The following MSH3 variants were observed in gnomAD, a reference collection of about 807,000 sequenced individuals.
The protein encoded by MSH3 is DNA mismatch repair protein Msh3.
In MSH3, 106 loss-of-function variants were observed where a neutral mutation model predicts 123.3. The ratio of observed to expected loss-of-function variants is 0.86; its 90% CI spans 0.73 to 1.01. The LOEUF (loss-of-function observed/expected upper bound fraction) is 1.01. Among genes scored for constraint, MSH3 ranks in the 50% least tolerant of loss-of-function variants. MSH3 has a pLI of 0.00. For synonymous variants in MSH3, 515 were observed against 481.4 expected, an observed-to-expected ratio of 1.07 and a Z score of -0.91; for missense variants, 1,459 against 1,347.6, an observed-to-expected ratio of 1.08 and a Z score of -1.29.
At chr5:80,786,008 G>A (rs565922556) in intron 17 of MSH3, among the ~76,000 whole-genome samples, 78 of 151,762 alleles carry the variant, frequency 5.1e-4, no homozygotes, top group African/African-American at 1.8e-3. Context: ...GGGGGAAGGG[G>A]GGAGGGATAA....
chr5:80,794,081 T>G (rs1243902096), intron 19 of MSH3, among the ~76,000 whole-genome samples: 1 of 152,208 alleles, frequency 6.6e-6, no homozygotes, highest in Non-Finnish European at 1.5e-5. Flanking sequence ...ACTAATTGTT[T>G]GCTTATACCA....
intron 19 of MSH3, among the ~76,000 whole-genome samples, chr5:80,803,038 A>C (rs1168255492): frequency 6.6e-6 from 1 of 151,756 alleles, no homozygotes; most frequent in Non-Finnish European, 1.5e-5. Flanking sequence ...TAAACATGGG[A>C]GTGCAGCTGT....
chr5:80,729,439 TGTGTG>T (rs1561458089), intron 10 of MSH3, among the ~76,000 whole-genome samples: 8 of 133,202 alleles, frequency 6.0e-5, no homozygotes, highest in African/African-American at 1.4e-4. Context: ...AATGTGTGTG[TGTGTG>T]TGTGTGTGTG....
At chr5:80,729,344 A>C (rs1459595528) in intron 10 of MSH3, among the ~76,000 whole-genome samples, 1 of 141,916 alleles carries the variant, frequency 7.0e-6, no homozygotes, top group East Asian at 2.2e-4. Flanking sequence ...GAACCCAGGG[A>C]GGTGGAGCCT....
intron 19 of MSH3, among the ~76,000 whole-genome samples, chr5:80,799,217 C>G (rs1054457888): frequency 6.6e-6 from 1 of 152,036 alleles, no homozygotes; most frequent in African/African-American, 2.4e-5. Context: ...ACTTTGGCAT[C>G]TCAACATGCA....
chr5:80,696,502 C>T lies in MSH3; in HGVS notation c.1340+17409C>T, dbSNP rs141215144. Among the ~76,000 whole-genome samples the T allele has an allele frequency of 3.9e-3, 590 of 152,176 alleles. 4 individuals are homozygous for T. The highest frequency in any genetic ancestry group is 0.013 in the African/African-American group (544 of 41,516). ...TTTTGTCTGTGCCTGTTGGTCTTTC[C>T]GGGTTGTCAGCTTTTTCAGCTCCAA... is the stretch of plus-strand genomic sequence containing the variant. On this transcript the variant is annotated intron_variant, in intron 8 of 23. Coordinates refer to ENST00000265081, the MANE Select transcript of MSH3 (RefSeq NM_002439.5).
chr5:80,746,435 G>T (rs948015692), intron 12 of MSH3: 4 of 462,086 alleles, frequency 8.7e-6, no homozygotes, highest in Admixed American at 7.3e-5. Flanking sequence ...ATCTTCTCAG[G>T]ACTTTTCTCC....
intron 8 of MSH3, among the ~76,000 whole-genome samples, chr5:80,725,091 G>A (rs959361643): frequency 1.5e-4 from 23 of 151,802 alleles, no homozygotes; most frequent in African/African-American, 5.6e-4. Flanking sequence ...GCGGGCACCT[G>A]TAGCTTCAGC....
chr5:80,762,038 A>T (rs977351207), intron 13 of MSH3, among the ~76,000 whole-genome samples: 4 of 152,046 alleles, frequency 2.6e-5, no homozygotes, highest in Non-Finnish European at 4.4e-5. Context: ...TTGATCTTAG[A>T]ACAACTTATT....
intron 22 of MSH3, among the ~76,000 whole-genome samples, chr5:80,867,394 T>C (rs1338642114): frequency 6.6e-6 from 1 of 152,222 alleles, no homozygotes; most frequent in African/African-American, 2.4e-5. Flanking sequence ...AAGGGAACTT[T>C]TTCTCAGATG....
intron 19 of MSH3, among the ~76,000 whole-genome samples, chr5:80,801,920 T>C (rs1744796521): frequency 6.6e-6 from 1 of 152,254 alleles, no homozygotes; most frequent in African/African-American, 2.4e-5. Context: ...TTTATACTTT[T>C]ATTTTCACAC....
intron 20 of MSH3, among the ~76,000 whole-genome samples, chr5:80,840,272 G>T (rs1045753637): frequency 1.3e-5 from 2 of 152,044 alleles, no homozygotes; most frequent in African/African-American, 4.8e-5. Context: ...AAACTTTGTT[G>T]TTTGACAAAC....
At chr5:80,669,565 G>A (rs1231150155) in intron 3 of MSH3, among the ~76,000 whole-genome samples, 1 of 152,124 alleles carries the variant, frequency 6.6e-6, no homozygotes, top group African/African-American at 2.4e-5. Flanking sequence ...TCTTTCTCAT[G>A]TTTCTTTACC....
chr5:80,773,396 C>T (rs1318349544), intron 15 of MSH3, among the ~76,000 whole-genome samples: 3 of 152,196 alleles, frequency 2.0e-5, no homozygotes, highest in Non-Finnish European at 4.4e-5. Context: ...AGACTCTTCA[C>T]TCTTAACTAT....
Position 80,665,140 on chromosome 5 carries a change from A to G in MSH3, c.359-3A>G, listed in dbSNP as rs202158045. ...TCTGTTTTCTTCTTATTTGCTGCCT[A>G]AGAGCCAAAGAAATGTCTGAGGACC... On this transcript the variant is annotated splice_region_variant and splice_polypyrimidine_tract_variant and intron_variant, in intron 2 of 23. Transcript: ENST00000265081. The G allele has an allele frequency of 6.2e-7, 1 of 1,612,960 alleles. No homozygotes were observed. Among genetic ancestry groups the G allele is most frequent in the South Asian group, 1.1e-5 (1 of 90,994 alleles).
chr5:80,840,747 C>A (rs1416781100), intron 20 of MSH3, among the ~76,000 whole-genome samples: 1 of 151,670 alleles, frequency 6.6e-6, no homozygotes, highest in Non-Finnish European at 1.5e-5. Flanking sequence ...CCTCCCCCAG[C>A]CCCCTACCCC....
chr5:80,785,743 A>G (rs6151834), intron 17 of MSH3, among the ~76,000 whole-genome samples: 2 of 152,294 alleles, frequency 1.3e-5, no homozygotes, highest in African/African-American at 2.4e-5. Context: ...AACCAACCCA[A>G]ATGTCCAAGA....
chr5:80,665,157 C>CT lies in MSH3; in HGVS notation c.374dup (p.Arg126GlufsTer25). The CT allele has an allele frequency of 6.2e-7, 1 of 1,613,946 alleles. No individual in the cohort carries two copies. Among genetic ancestry groups the CT allele is most frequent in the East Asian group, 2.2e-5 (1 of 44,858 alleles). On this transcript the variant is annotated frameshift_variant, in exon 3 of 24. Transcript: ENST00000265081. LOFTEE classifies it high-confidence loss of function. ...TGCTGCCTAAGAGCCAAAGAAATGT[C>CT]TGAGGACCAGGAATGTTTCAAAGTC...
intron 2 of MSH3, among the ~76,000 whole-genome samples, chr5:80,664,360 G>C (rs1351941201): frequency 6.6e-6 from 1 of 152,132 alleles, no homozygotes; most frequent in Non-Finnish European, 1.5e-5. Flanking sequence ...CTTTCCGCTT[G>C]AGCTAGTAAG....
Sources: gnomAD v4.1 joint callset for allele counts (sites outside exome capture counted in the v4.1 genomes callset) on GRCh38, gnomAD v4.1.1 for gene constraint, MANE v1.5 for transcripts, NCBI Gene and HGNC (gene_info 2026-07-23, HGNC 2026-07-21) for gene names.